NEBL: variants seen among roughly 807,000 people sequenced by gnomAD.
NEBL encodes LIM and SH3 protein 2.
In NEBL, 122 loss-of-function variants were observed where a neutral mutation model predicts 140.2. That is an observed-to-expected ratio of 0.87 (90% CI 0.75 to 1.01). NEBL has a LOEUF of 1.01. NEBL is among the 50% of genes least tolerant of loss of function. The pLI is 0.00. For missense variants in NEBL, 1,365 were observed against 1,231.3 expected, an observed-to-expected ratio of 1.11 and a Z score of -1.62; for synonymous variants, 436 against 398.9, an observed-to-expected ratio of 1.09 and a Z score of -1.11.
chr10:21,025,356 TG>T (rs1838982933), intron 2 of NEBL, among the ~76,000 whole-genome samples: 2 of 152,180 alleles, frequency 1.3e-5, no homozygotes, highest in African/African-American at 4.8e-5. Flanking sequence ...AAGACTGAGC[TG>T]ACAGTTGCAA....
chr10:21,085,109 C>G (rs1836564381), intron 2 of NEBL, among the ~76,000 whole-genome samples: 1 of 152,168 alleles, frequency 6.6e-6, no homozygotes, highest in South Asian at 2.1e-4. Flanking sequence ...GACAAACCTA[C>G]CAGCGATTTT....
At chr10:20,982,896 A>G (rs1837110287) in intron 3 of NEBL, among the ~76,000 whole-genome samples, 1 of 152,246 alleles carries the variant, frequency 6.6e-6, no homozygotes, top group African/African-American at 2.4e-5. Flanking sequence ...GAGAAGCTTG[A>G]CAATAAACTT....
At chr10:21,167,840 G>A (rs950103785) in intron 2 of NEBL, among the ~76,000 whole-genome samples, 1 of 152,040 alleles carries the variant, frequency 6.6e-6, no homozygotes, top group Admixed American at 6.6e-5. Context: ...ATTTTGCCTA[G>A]TCCTCATTTC....
chr10:20,869,061 G>A (rs533816090), intron 6 of NEBL, among the ~76,000 whole-genome samples: 9 of 152,116 alleles, frequency 5.9e-5, no homozygotes, highest in African/African-American at 2.2e-4. Context: ...AAATTTTCTG[G>A]GGAATTGAGA....
intron 4 of NEBL, among the ~76,000 whole-genome samples, chr10:20,960,563 A>T (rs940751354): frequency 6.6e-6 from 1 of 152,094 alleles, no homozygotes; most frequent in African/African-American, 2.4e-5. Context: ...ACATGAAATA[A>T]TTCTGTTTTT....
intron 3 of NEBL, among the ~76,000 whole-genome samples, chr10:20,997,471 T>TGAAA (rs1837713554): frequency 4.0e-5 from 1 of 25,166 alleles, no homozygotes; most frequent in Non-Finnish European, 1.1e-4. Flanking sequence ...ACAGTCTCAG[T>TGAAA]AAAAAAAAAA....
chr10:21,020,012 GGCTGGTGACCCA>G (rs1838721468), intron 3 of NEBL: 30 of 993,842 alleles, frequency 3.0e-5, no homozygotes, highest in Non-Finnish European at 4.7e-5. Context: ...CCTCCACACC[GGCTGGTGACCCA>G]GCAGGAACAG....
At chr10:21,269,510 G>C (rs1842836337) in intron 1 of NEBL, among the ~76,000 whole-genome samples, 1 of 152,176 alleles carries the variant, frequency 6.6e-6, no homozygotes, top group Non-Finnish European at 1.5e-5. Context: ...TTCCAAAGCA[G>C]GCCAATTTGT....
At chr10:21,052,807 G>T (rs560037617) in intron 2 of NEBL, among the ~76,000 whole-genome samples, 1 of 152,224 alleles carries the variant, frequency 6.6e-6, no homozygotes, top group Non-Finnish European at 1.5e-5. Flanking sequence ...GGCCACCGGT[G>T]GTGCATACAG....
chr10:20,782,129 TA>T lies in NEBL; in HGVS notation c.*3617del, dbSNP rs1179380437. ...TTCTAAAGTTCTAAATCTTTAGAGA[TA>T]AAATACAATCAGCTAACACCTTTAA... On this transcript the variant is annotated 3_prime_UTR_variant, in exon 28 of 28. Coordinates refer to ENST00000377122, the MANE Select transcript of NEBL (RefSeq NM_006393.3). The T allele has an allele frequency of 6.6e-6, 1 of 152,572 alleles. No individual in the cohort carries two copies. Among genetic ancestry groups the T allele is most frequent in the Non-Finnish European group, 1.5e-5 (1 of 68,030 alleles). 9.5% of individuals were successfully genotyped at this position (152,572 alleles called of 1,614,324 possible).
Position 21,110,971 on chromosome 10 carries a change from C to T in NEBL, c.164+61412G>A, listed in dbSNP as rs1837983515. 7.8e-6 allele frequency: 3 copies of T among 385,304 alleles called. No individual in the cohort carries two copies. The East Asian group carries it at 1.7e-4, about 22-fold the overall frequency. 23.9% of individuals were successfully genotyped at this position (385,304 alleles called of 1,614,324 possible). ...ATAACAGACAAATAGGGAGCCAAAT[C>T]ATGAGTGAACTCCCATTCACAATTG... On this transcript the variant is annotated intron_variant, in intron 2 of 6. Coordinates refer to the NEBL transcript ENST00000417816.
intron 4 of NEBL, among the ~76,000 whole-genome samples, chr10:20,885,764 T>G (rs369889514): frequency 6.6e-6 from 1 of 152,192 alleles, no homozygotes; most frequent in African/African-American, 2.4e-5. Flanking sequence ...ACATATCAAG[T>G]GTTGGGTTGT....
intron 4 of NEBL, among the ~76,000 whole-genome samples, chr10:20,938,431 C>G (rs991455218): frequency 2.6e-5 from 4 of 152,154 alleles, no homozygotes; most frequent in Non-Finnish European, 5.9e-5. Flanking sequence ...CACCAAAAAC[C>G]CATCTGTACA....
intron 2 of NEBL, among the ~76,000 whole-genome samples, chr10:21,041,597 TAGA>T (rs1420337079): frequency 6.6e-6 from 1 of 152,188 alleles, no homozygotes; most frequent in Non-Finnish European, 1.5e-5. Context: ...TTAAAATCAC[TAGA>T]AGGATAGTTA....
intron 2 of NEBL, among the ~76,000 whole-genome samples, chr10:21,058,797 C>T (rs1835152323): frequency 6.6e-6 from 1 of 152,086 alleles, no homozygotes; most frequent in African/African-American, 2.4e-5. Flanking sequence ...TAATTTAGTT[C>T]ATTTCAGAAC....
chr10:20,924,659 T>TA (rs921249688), intron 4 of NEBL, among the ~76,000 whole-genome samples: 3 of 150,760 alleles, frequency 2.0e-5, no homozygotes, highest in Non-Finnish European at 3.0e-5. Context: ...GTTCTTTTTT[T>TA]AAAAAAAAAT....
rs1003816258 is a variant in NEBL at position 20,845,606 on chromosome 10, C to T, written c.1117-238G>A. ...GGTAAATCATTCTAAGTGAGGCTTC[C>T]TAACATCTTACTAGCCTAGGATTAA... On this transcript the variant is annotated intron_variant, in intron 11 of 27. Transcript: ENST00000377122. 9 of 435,420 alleles carry T rather than the reference C, an allele frequency of 2.1e-5. No homozygotes were observed. In the South Asian group the frequency reaches 2.3e-4, roughly 11 times the overall value. 27.0% of individuals were successfully genotyped at this position (435,420 alleles called of 1,614,324 possible).
At position 20,826,455 on chromosome 10, in the gene NEBL, T is replaced by C. The variant is rs79718972; in HGVS notation, c.1861A>G (p.Ile621Val). Residue 621 changes from isoleucine (I) to valine (V), a missense_variant, in exon 18 of 28, where the codon ATT becomes GTT. By Grantham distance (29) the Ile-to-Val change is conservative. Coordinates refer to ENST00000377122, the MANE Select transcript of NEBL (RefSeq NM_006393.3). Reference sequence around the variant, plus strand: ...TGCTGTAGAGAACTTACTGAACTAATATTCTGCTGATTTTTCTTCACTCGT... The same window carrying C: ...TGCTGTAGAGAACTTACTGAACTAACATTCTGCTGATTTTTCTTCACTCGT... ...IERVKKNQQN[I>V]SSVKYKEEIK... 1,394 of 1,609,382 alleles carry C rather than the reference T, an allele frequency of 8.7e-4. 14 individuals are homozygous for C. In the African/African-American group the frequency reaches 0.017, roughly 20 times the overall value.
intron 5 of NEBL, among the ~76,000 whole-genome samples, chr10:20,879,687 T>C (rs781442106): frequency 6.4e-4 from 98 of 152,308 alleles, no homozygotes; most frequent in Admixed American, 4.6e-4. Flanking sequence ...ATGGCAACTG[T>C]ACTTCAGGTA....
Sources: gnomAD v4.1 joint callset for allele counts (sites outside exome capture counted in the v4.1 genomes callset) on GRCh38, gnomAD v4.1.1 for gene constraint, MANE v1.5 for transcripts, NCBI Gene and HGNC (gene_info 2026-07-23, HGNC 2026-07-21) for gene names.